Variants in MACROD2 observed in about 807,000 individuals in gnomAD.
The protein encoded by MACROD2 is mono-ADP ribosylhydrolase 2.
A neutral mutation model predicts 70.4 loss-of-function variants in MACROD2; 36 were observed. The observed-to-expected ratio is 0.51, with a 90% confidence interval of 0.39 to 0.68. The LOEUF (loss-of-function observed/expected upper bound fraction) is 0.68. MACROD2 is among the 30% of genes least tolerant of loss of function. The probability of loss-of-function intolerance (pLI) is 0.00; values close to 1 mark genes in which losing one functional copy is unlikely to be tolerated. For missense variants in MACROD2, 496 were observed against 538.4 expected (o/e 0.92, Z 0.78); for synonymous variants, 172 against 178.8 (o/e 0.96, Z 0.30).
chr20:14,608,230 T>A (rs1982934767), intron 4 of MACROD2, among the ~76,000 whole-genome samples: 1 of 152,136 alleles, frequency 6.6e-6, no homozygotes, highest in Non-Finnish European at 1.5e-5. Flanking sequence ...CACTCCAACC[T>A]GGGCAACAAG....
chr20:14,855,780 A>G (rs1484752051), intron 5 of MACROD2, among the ~76,000 whole-genome samples: 2 of 151,926 alleles, frequency 1.3e-5, no homozygotes, highest in Non-Finnish European at 2.9e-5. Flanking sequence ...AGAACATGAA[A>G]ACATTTTTAA....
chr20:14,757,005 C>A (rs1216804075), intron 5 of MACROD2, among the ~76,000 whole-genome samples: 1 of 152,038 alleles, frequency 6.6e-6, no homozygotes, highest in Non-Finnish European at 1.5e-5. Context: ...CTGAGGCCTC[C>A]CCAGCCATGC....
chr20:14,857,195 C>T (rs1258223328), intron 5 of MACROD2, among the ~76,000 whole-genome samples: 1 of 152,164 alleles, frequency 6.6e-6, no homozygotes, highest in African/African-American at 2.4e-5. Context: ...TCACTGTCCT[C>T]CACACAGATT....
intron 3 of MACROD2, among the ~76,000 whole-genome samples, chr20:14,200,787 T>C (rs2148747202): frequency 6.6e-6 from 1 of 152,332 alleles, no homozygotes; most frequent in African/African-American, 2.4e-5. Flanking sequence ...ATGGATTTCT[T>C]TTACCTTTGT....
intron 5 of MACROD2, among the ~76,000 whole-genome samples, chr20:15,092,331 T>C (rs1166456681): frequency 6.6e-6 from 1 of 150,632 alleles, no homozygotes; most frequent in Non-Finnish European, 1.5e-5. Context: ...TTTTCAAATA[T>C]AATTAATAAT....
At chr20:15,073,575 A>G (rs978908449) in intron 5 of MACROD2, among the ~76,000 whole-genome samples, 1 of 151,980 alleles carries the variant, frequency 6.6e-6, no homozygotes, top group Non-Finnish European at 1.5e-5. Flanking sequence ...AAATCACTTC[A>G]GGATGGTGGA....
intron 3 of MACROD2, among the ~76,000 whole-genome samples, chr20:14,281,088 C>T: frequency 6.6e-6 from 1 of 152,076 alleles, no homozygotes; most frequent in East Asian, 1.9e-4. Flanking sequence ...AGTCTTTACC[C>T]AAGAAAATCA....
intron 8 of MACROD2, among the ~76,000 whole-genome samples, chr20:15,517,572 G>A (rs1430159403): frequency 6.6e-6 from 1 of 152,200 alleles, no homozygotes; most frequent in Non-Finnish European, 1.5e-5. Flanking sequence ...ATGCCTGGAA[G>A]GTAGTAGGGG....
intron 8 of MACROD2, among the ~76,000 whole-genome samples, chr20:15,688,209 C>CA (rs560396749): frequency 2.4e-4 from 36 of 152,144 alleles, no homozygotes; most frequent in Middle Eastern, 3.4e-3. Context: ...CTAAAAAGTA[C>CA]AAAAAAATAG....
At chr20:14,404,224 A>G (rs1441628783) in intron 3 of MACROD2, among the ~76,000 whole-genome samples, 4 of 152,172 alleles carry the variant, frequency 2.6e-5, no homozygotes, top group Non-Finnish European at 5.9e-5. Flanking sequence ...AGAGTTCCAG[A>G]ATGAGATAAT....
At chr20:15,705,115 A>G (rs1402247926) in intron 8 of MACROD2, among the ~76,000 whole-genome samples, 1 of 152,192 alleles carries the variant, frequency 6.6e-6, no homozygotes, top group Non-Finnish European at 1.5e-5. Flanking sequence ...ATACCTTTCT[A>G]TTATAAATTG....
chr20:15,962,929 G>C (rs2066083829), intron 12 of MACROD2, among the ~76,000 whole-genome samples: 1 of 152,180 alleles, frequency 6.6e-6, no homozygotes, highest in South Asian at 2.1e-4. Flanking sequence ...AATAGTCTGG[G>C]AATGTGTTGC....
chr20:15,247,737 G>T (rs139492454), intron 6 of MACROD2, among the ~76,000 whole-genome samples: 12,011 of 151,192 alleles, frequency 0.079, 609 homozygotes, highest in Non-Finnish European at 0.12. Context: ...TCACTCTGTC[G>T]CCCAGGCTAG....
chr20:14,564,233 A>G (rs942753144), intron 4 of MACROD2, among the ~76,000 whole-genome samples: 2 of 151,996 alleles, frequency 1.3e-5, no homozygotes, highest in African/African-American at 2.4e-5. Context: ...ACCAAAACCA[A>G]TAAAAGTCCC....
intron 4 of MACROD2, among the ~76,000 whole-genome samples, chr20:14,522,222 G>A (rs2085176560): frequency 6.6e-6 from 1 of 152,008 alleles, no homozygotes; most frequent in Non-Finnish European, 1.5e-5. Flanking sequence ...TATCAAGATG[G>A]CCATACATAA....
intron 3 of MACROD2, among the ~76,000 whole-genome samples, chr20:14,351,968 C>A (rs1240473043): frequency 6.6e-6 from 1 of 152,150 alleles, no homozygotes; most frequent in East Asian, 1.9e-4. Context: ...GCTTTTTCAG[C>A]AGCAATTGAA....
intron 3 of MACROD2, among the ~76,000 whole-genome samples, chr20:14,480,155 C>T (rs118177338): frequency 0.028 from 4,214 of 152,212 alleles, 86 homozygotes; most frequent in Non-Finnish European, 0.043. Flanking sequence ...GCTGGGATTA[C>T]GCCACCACAC....
intron 15 of MACROD2, among the ~76,000 whole-genome samples, chr20:16,035,921 A>G (rs972589549): frequency 2.0e-5 from 3 of 152,026 alleles, no homozygotes; most frequent in Non-Finnish European, 2.9e-5. Flanking sequence ...CACTTCTGCT[A>G]ACATCCCATT....
At position 14,243,261 on chromosome 20, in the gene MACROD2, T is replaced by C. The variant is rs56213940; in HGVS notation, c.271+157533T>C. Among the ~76,000 whole-genome samples the C allele has an allele frequency of 1.7e-3, 264 of 152,320 alleles. 1 individual carries two copies. The highest frequency in any genetic ancestry group is 4.7e-3 in the African/African-American group (196 of 41,590). ...GGGTGAATACTAATCTTCATATTCT[T>C]ATACATTTAGTTTGAAACAAAGTGA... On this transcript the variant is annotated intron_variant, in intron 3 of 17. Transcript: ENST00000684519.
Sources: gnomAD v4.1 joint callset for allele counts (sites outside exome capture counted in the v4.1 genomes callset) on GRCh38, gnomAD v4.1.1 for gene constraint, MANE v1.5 for transcripts, NCBI Gene and HGNC (gene_info 2026-07-23, HGNC 2026-07-21) for gene names.